Variants in TDRD1 observed in about 807,000 individuals in gnomAD.
TDRD1 encodes the protein tudor domain containing 1.
TDRD1 carries 37 observed loss-of-function variants against 140.6 expected under a neutral mutation model. The ratio of observed to expected loss-of-function variants is 0.26; its 90% CI spans 0.20 to 0.35. TDRD1 has a LOEUF of 0.35. Ranked by LOEUF, TDRD1 falls within the 10% of genes least tolerant of loss-of-function variation. The probability of loss-of-function intolerance (pLI) is 1.00; values close to 1 mark genes in which losing one functional copy is unlikely to be tolerated. For missense variants in TDRD1, 1,243 were observed against 1,393.0 expected, an observed-to-expected ratio of 0.89 and a Z score of 1.71; for synonymous variants, 506 against 475.7, an observed-to-expected ratio of 1.06 and a Z score of -0.83.
At chr10:114,197,126 G>A (rs956894946) in intron 3 of TDRD1, among the ~76,000 whole-genome samples, 5 of 152,094 alleles carry the variant, frequency 3.3e-5, no homozygotes, top group East Asian at 3.9e-4. Context: ...GATTACAGGC[G>A]TGAGCCACTG....
At chr10:114,210,997 A>C in intron 13 of TDRD1, 30 bp downstream of exon 13, 12 of 1,474,152 alleles carry the variant, frequency 8.1e-6, no homozygotes, top group Non-Finnish European at 1.1e-5. Context: ...GATTTTTAAA[A>C]TTTATTTTTA....
At chr10:114,231,468 A>AT (rs66725970) in intron 25 of TDRD1, 16 of 1,590,380 alleles carry the variant, frequency 1.0e-5, no homozygotes, top group Admixed American at 3.6e-5. Context: ...ATGATAGTTG[A>AT]TTTTTTTTCT....
At chr10:114,222,603 G>A in exon 21 of TDRD1, 10 of 1,608,486 alleles carry the variant, frequency 6.2e-6, no homozygotes, top group Non-Finnish European at 8.5e-6. Context: ...AGGAAAAGCT[G>A]TGCATGTTGA....
chr10:114,182,992 G>A (rs1039227970), intron 1 of TDRD1, among the ~76,000 whole-genome samples: 12 of 152,108 alleles, frequency 7.9e-5, no homozygotes, highest in African/African-American at 2.9e-4. Context: ...CCAATCATAC[G>A]AATATCTTTT....
At chr10:114,182,973 C>G (rs925525327) in intron 1 of TDRD1, among the ~76,000 whole-genome samples, 1 of 152,084 alleles carries the variant, frequency 6.6e-6, no homozygotes, top group Non-Finnish European at 1.5e-5. Flanking sequence ...TGTGAGCCAC[C>G]GCTCCCGGCC....
chr10:114,218,128 T>C (rs534489567), intron 17 of TDRD1, among the ~76,000 whole-genome samples: 43 of 152,348 alleles, frequency 2.8e-4, no homozygotes, highest in African/African-American at 9.9e-4. Flanking sequence ...TCAAGTCTTA[T>C]CTTCACCTTC....
intron 17 of TDRD1, 122 bp downstream of exon 17, chr10:114,217,777 T>C: frequency 1.7e-6 from 1 of 603,514 alleles, no homozygotes; most frequent in Non-Finnish European, 3.0e-6. Context: ...AATGAATGAA[T>C]GCTTACAATG....
chr10:114,218,287 C>T (rs565795110), intron 17 of TDRD1, 127 bp from the exon 18 acceptor site: 76 of 582,302 alleles, frequency 1.3e-4, no homozygotes, highest in Non-Finnish European at 1.9e-4. Context: ...AAATGAAAGG[C>T]GTGATTTGGG....
chr10:114,210,030 A>T (rs1487912576), intron 11 of TDRD1, among the ~76,000 whole-genome samples: 1 of 152,136 alleles, frequency 6.6e-6, no homozygotes, highest in East Asian at 1.9e-4. Context: ...GATACTTTTC[A>T]CTGTGCTTTT....
In TDRD1 at chr10:114,203,128, G is replaced by A. The variant is rs770791214; in HGVS notation, c.753G>A (p.Met251Ile). Residue 251 changes from methionine (M) to isoleucine (I), a missense_variant, in exon 7 of 26, where the codon ATG becomes ATA. Met to Ile is a conservative substitution (Grantham distance 10). Transcript: ENST00000251864. Reference sequence around the variant, plus strand: ...TAGCCATTTGGGCTGAGAGAATAATGTTTTCTGATTTGAGAAGTCTACAAC... The same window carrying A: ...TAGCCATTTGGGCTGAGAGAATAATATTTTCTGATTTGAGAAGTCTACAAC... The A allele has an allele frequency of 7.4e-6, 12 of 1,613,748 alleles. No individual in the cohort carries two copies. In the Middle Eastern group the frequency reaches 5.0e-4, roughly 67 times the overall value.
At chr10:114,221,061 TTGAG>T (rs1215545292) in intron 19 of TDRD1, among the ~76,000 whole-genome samples, 7 of 152,274 alleles carry the variant, frequency 4.6e-5, no homozygotes, top group Non-Finnish European at 7.4e-5. Flanking sequence ...ACTTAGAAGC[TTGAG>T]TAAGTTGTAA....
intron 11 of TDRD1, 139 bp downstream of exon 11, chr10:114,206,469 T>G: frequency 1.7e-6 from 1 of 604,114 alleles, no homozygotes; most frequent in Admixed American, 2.9e-5. Context: ...TACGCTGTTT[T>G]ATATTTAGTA....
intron 20 of TDRD1, 42 bp from the exon 21 acceptor site, chr10:114,222,545 C>A: frequency 7.9e-7 from 1 of 1,259,812 alleles, no homozygotes; most frequent in Non-Finnish European, 1.2e-6. Context: ...AATAGTAGCA[C>A]TGGAAATTTT....
chr10:114,213,626 G>A, intron 15 of TDRD1, 38 bp downstream of exon 15: 1 of 1,565,632 alleles, frequency 6.4e-7, no homozygotes, highest in South Asian at 1.2e-5. Context: ...CTGTTCTGGA[G>A]TTCAGATGGT....
chr10:114,181,833 G>C (rs151157522), intron 1 of TDRD1, among the ~76,000 whole-genome samples: 1 of 122,298 alleles, frequency 8.2e-6, no homozygotes, highest in Non-Finnish European at 1.7e-5. Context: ...GCGATGGAGC[G>C]AGACAACATC....
chr10:114,183,899 G>A (rs1350507866), intron 1 of TDRD1, among the ~76,000 whole-genome samples: 2 of 151,894 alleles, frequency 1.3e-5, no homozygotes, highest in African/African-American at 4.8e-5. Flanking sequence ...GTGAGCCACT[G>A]TGTCCGTGCC....
At chr10:114,206,996 C>T (rs2447633) in intron 11 of TDRD1, among the ~76,000 whole-genome samples, 70,925 of 152,066 alleles carry the variant, frequency 0.47, 17,539 homozygotes, top group African/African-American at 0.64. Context: ...AATAGGGCTG[C>T]AAAATTCTGT....
intron 19 of TDRD1, 137 bp from the exon 20 acceptor site, chr10:114,221,220 T>C (rs2036124614): frequency 2.1e-6 from 2 of 968,724 alleles, no homozygotes; most frequent in East Asian, 5.3e-5. Flanking sequence ...TGTGAAAAAA[T>C]ACAGATTTTT....
chr10:114,230,855 A>G (rs2036713259), intron 25 of TDRD1, among the ~76,000 whole-genome samples: 1 of 152,106 alleles, frequency 6.6e-6, no homozygotes. Context: ...CATGAGGCCC[A>G]GGAGTTTGAG....
Sources: allele counts gnomAD v4.1 joint callset (sites outside exome capture counted in the v4.1 genomes callset), GRCh38; gene constraint gnomAD v4.1.1; transcripts MANE v1.5; gene names NCBI Gene and HGNC (gene_info 2026-07-23, HGNC 2026-07-21).